PRTG: variants seen among roughly 807,000 people sequenced by gnomAD.
The protein encoded by PRTG is protogenin.
PRTG carries 67 observed loss-of-function variants against 122.5 expected under a neutral mutation model. That is an observed-to-expected ratio of 0.55 (90% CI 0.45 to 0.67). PRTG has a LOEUF of 0.67. Ranked by LOEUF, PRTG falls within the 30% of genes least tolerant of loss-of-function variation. The pLI is 0.00. For missense variants in PRTG, 1,435 were observed against 1,415.4 expected, an observed-to-expected ratio of 1.01 and a Z score of -0.22; for synonymous variants, 554 against 501.1, an observed-to-expected ratio of 1.11 and a Z score of -1.41.
chr15:55,625,119 TA>T (rs1258694907), intron 17 of PRTG, among the ~76,000 whole-genome samples: 2 of 152,180 alleles, frequency 1.3e-5, no homozygotes, highest in African/African-American at 4.8e-5. Context: ...AAACAACGTG[TA>T]TTTGACGTTG....
intron 8 of PRTG, 86 bp downstream of exon 8, chr15:55,677,711 T>C: frequency 8.0e-7 from 1 of 1,243,328 alleles, no homozygotes; most frequent in Non-Finnish European, 1.1e-6. Flanking sequence ...AAATATTTTA[T>C]GGATTATGTA....
chr15:55,702,762 T>C, intron 2 of PRTG: 1 of 203,298 alleles, frequency 4.9e-6, no homozygotes, highest in Non-Finnish European at 8.7e-6. Flanking sequence ...GCTGAGAAGC[T>C]AGGAGAGTTG....
chr15:55,689,450 C>CA (rs1313229366), intron 2 of PRTG, among the ~76,000 whole-genome samples: 3 of 151,926 alleles, frequency 2.0e-5, no homozygotes, highest in Non-Finnish European at 4.4e-5. Flanking sequence ...TCCCAACAAA[C>CA]AGACTTGTTA....
At chr15:55,650,530 T>C (rs1444323826) in intron 11 of PRTG, among the ~76,000 whole-genome samples, 1 of 152,042 alleles carries the variant, frequency 6.6e-6, no homozygotes, top group African/African-American at 2.4e-5. Context: ...GTAAAGGGTA[T>C]TTTATGGGGG....
chr15:55,724,542 G>C (rs189362583), intron 2 of PRTG, among the ~76,000 whole-genome samples: 60 of 152,170 alleles, frequency 3.9e-4, no homozygotes, highest in South Asian at 8.3e-4. Context: ...CTTGAGGCCA[G>C]GAGTTTGAGA....
chr15:55,666,161 C>T (rs2059438352), intron 11 of PRTG, among the ~76,000 whole-genome samples: 2 of 152,208 alleles, frequency 1.3e-5, no homozygotes, highest in African/African-American at 4.8e-5. Flanking sequence ...CACACTCTGG[C>T]AGGATTCAGT....
chr15:55,702,905 C>A (rs1567106977), intron 2 of PRTG: 1 of 985,380 alleles, frequency 1.0e-6, no homozygotes, highest in Non-Finnish European at 1.2e-6. Flanking sequence ...CTTTTACAGG[C>A]TGCTGATCCA....
chr15:55,705,728 A>G (rs1457958913), intron 2 of PRTG, among the ~76,000 whole-genome samples: 1 of 152,164 alleles, frequency 6.6e-6, no homozygotes, highest in African/African-American at 2.4e-5. Flanking sequence ...GGCATAAGCC[A>G]CTGTGCTCAG....
At chr15:55,716,138 C>T (rs928725262) in intron 2 of PRTG, among the ~76,000 whole-genome samples, 31 of 152,272 alleles carry the variant, frequency 2.0e-4, no homozygotes, top group African/African-American at 7.5e-4. Flanking sequence ...GAGGCTGAGA[C>T]GGGAGAATCG....
intron 11 of PRTG, among the ~76,000 whole-genome samples, chr15:55,663,025 C>A (rs1434540629): frequency 6.6e-6 from 1 of 152,202 alleles, no homozygotes; most frequent in Non-Finnish European, 1.5e-5. Context: ...CTCCTACTTC[C>A]CCAATCCTGG....
At chr15:55,638,708 T>C (rs756425518) in intron 13 of PRTG, 32 bp from the exon 14 acceptor site, 1 of 1,596,922 alleles carries the variant, frequency 6.3e-7, no homozygotes, top group South Asian at 1.1e-5. Context: ...TTGTTAATGC[T>C]GGTAGTATAA....
At chr15:55,719,390 A>C (rs1192256423) in intron 2 of PRTG, among the ~76,000 whole-genome samples, 2 of 152,248 alleles carry the variant, frequency 1.3e-5, no homozygotes, top group African/African-American at 4.8e-5. Flanking sequence ...ATTCTAGAAG[A>C]GTATATTTTG....
intron 11 of PRTG, among the ~76,000 whole-genome samples, chr15:55,644,082 A>G (rs1307361192): frequency 1.3e-5 from 2 of 151,356 alleles, no homozygotes; most frequent in Admixed American, 1.3e-4. Context: ...CAAGCAATCC[A>G]CCTACCTTGG....
intron 1 of PRTG, among the ~76,000 whole-genome samples, chr15:55,741,259 A>C (rs545775281): frequency 6.6e-6 from 1 of 152,346 alleles, no homozygotes; most frequent in South Asian, 2.1e-4. Context: ...AAATCCATTT[A>C]CTTAATTTCT....
rs2059546860 is a variant in PRTG, at chr15:55,682,598, CTT to C, written c.543-103_543-102del. The C allele has an allele frequency of 8.2e-6, 3 of 364,986 alleles. 1 individual carries two copies. Among genetic ancestry groups the C allele is most frequent in the South Asian group, 2.0e-4 (2 of 9,866 alleles). The allele number at this position is 364,986 out of a possible 1,614,324, so 22.6% of individuals were successfully genotyped here. A position where few individuals can be genotyped will look rare whatever the true frequency, so the allele number is the denominator to read the frequency against. ...TTTATTTATGAGATGGAGTTTCACT[CTT>C]GTTGCCCCGGCTGGAGTGCAATGGC... On this transcript the variant is annotated intron_variant, in intron 3 of 19. Transcript: ENST00000389286.
chr15:55,682,247 G>T, intron 4 of PRTG, 117 bp downstream of exon 4: 1 of 878,672 alleles, frequency 1.1e-6, no homozygotes, highest in Non-Finnish European at 1.6e-6. Flanking sequence ...TTTCCAAATA[G>T]ATTATAATAA....
chr15:55,729,467 CTATACTT>C (rs1337870263), intron 2 of PRTG, among the ~76,000 whole-genome samples: 1 of 151,980 alleles, frequency 6.6e-6, no homozygotes, highest in Non-Finnish European at 1.5e-5. Flanking sequence ...CCACTGAACT[CTATACTT>C]TATAAAGGTG....
At chr15:55,722,350 T>C (rs544162486) in intron 2 of PRTG, among the ~76,000 whole-genome samples, 1 of 152,346 alleles carries the variant, frequency 6.6e-6, no homozygotes, top group South Asian at 2.1e-4. Context: ...TTATTAGTCA[T>C]GTCATTCTCA....
At chr15:55,645,370 C>A (rs559047497) in intron 11 of PRTG, among the ~76,000 whole-genome samples, 26 of 131,260 alleles carry the variant, frequency 2.0e-4, no homozygotes, top group African/African-American at 6.6e-4. Flanking sequence ...GGAGGCGGAG[C>A]TTGCAGTGAG....
Sources: gnomAD v4.1 joint callset for allele counts (sites outside exome capture counted in the v4.1 genomes callset) on GRCh38, gnomAD v4.1.1 for gene constraint, MANE v1.5 for transcripts, NCBI Gene and HGNC (gene_info 2026-07-23, HGNC 2026-07-21) for gene names.